Variants in SLC39A11 observed in about 807,000 individuals in gnomAD.
The protein encoded by SLC39A11 is solute carrier family 39 member 11.
In SLC39A11, 33 loss-of-function variants were observed where a neutral mutation model predicts 36.1. The observed-to-expected ratio is 0.91, with a 90% CI of 0.69 to 1.22. The LOEUF is 1.22. SLC39A11 is among the 50% of genes most tolerant of loss of function. The probability of loss-of-function intolerance (pLI) is 0.00; values close to 1 mark genes in which losing one functional copy is unlikely to be tolerated. For synonymous variants in SLC39A11, 166 were observed against 170.3 expected, an observed-to-expected ratio of 0.97 and a Z score of 0.20; for missense variants, 432 against 430.3, an observed-to-expected ratio of 1.00 and a Z score of -0.03.
At chr17:73,006,866 T>G (rs2090212197) in intron 4 of SLC39A11, among the ~76,000 whole-genome samples, 1 of 152,132 alleles carries the variant, frequency 6.6e-6, no homozygotes, top group African/African-American at 2.4e-5. Context: ...TAAGGGGGCC[T>G]CAGCATCTCC....
intron 5 of SLC39A11, among the ~76,000 whole-genome samples, chr17:72,872,148 TG>T (rs560191569): frequency 6.6e-6 from 1 of 152,186 alleles, no homozygotes; most frequent in African/African-American, 2.4e-5. Context: ...TCCCAGTGCC[TG>T]GGGAGGGCAG....
chr17:72,863,346 G>A lies in SLC39A11; in HGVS notation c.431-13542C>T, dbSNP rs533960358. Among the ~76,000 whole-genome samples the A allele has an allele frequency of 3.9e-5, 6 of 152,076 alleles. No individual in the cohort carries two copies. In the South Asian group the frequency reaches 1.2e-3, roughly 32 times the overall value. On this transcript the variant is annotated intron_variant, in intron 5 of 9. Coordinates refer to ENST00000255559, the MANE Select transcript of SLC39A11 (RefSeq NM_139177.4). The stretch of plus-strand genomic sequence containing the variant: ...ATTTACCAAGCCAGGAGCAACACAA[G>A]AGCAAGTGTCAGCATATGCAACTCA...
At chr17:72,838,589 T>C (rs1332096262) in intron 6 of SLC39A11, among the ~76,000 whole-genome samples, 2 of 152,166 alleles carry the variant, frequency 1.3e-5, no homozygotes, top group South Asian at 2.1e-4. Context: ...CACATTCTTT[T>C]AAAAAAGTTA....
At chr17:72,825,463 C>T (rs146286033) in intron 6 of SLC39A11, among the ~76,000 whole-genome samples, 28 of 152,314 alleles carry the variant, frequency 1.8e-4, no homozygotes, top group African/African-American at 6.3e-4. Context: ...TAGGGCAGTG[C>T]AGAGGAGAGT....
chr17:72,955,299 T>TC (rs1491466720), intron 4 of SLC39A11, among the ~76,000 whole-genome samples: 1 of 8,990 alleles, frequency 1.1e-4, no homozygotes, highest in African/African-American at 2.4e-4. Context: ...TTCAGTTCTC[T>TC]TTTTTTTTTT....
At chr17:72,785,704 T>G (rs2076490024) in intron 6 of SLC39A11, among the ~76,000 whole-genome samples, 1 of 152,184 alleles carries the variant, frequency 6.6e-6, no homozygotes, top group Non-Finnish European at 1.5e-5. Context: ...GGAAAAGAGC[T>G]AAGGAGAAAC....
chr17:72,965,711 G>A (rs1366027268), intron 4 of SLC39A11, among the ~76,000 whole-genome samples: 1 of 152,184 alleles, frequency 6.6e-6, no homozygotes, highest in Non-Finnish European at 1.5e-5. Flanking sequence ...TCTCCAAAAG[G>A]AAGGAGGTGA....
chr17:72,691,337 A>T, intron 7 of SLC39A11, among the ~76,000 whole-genome samples: 1 of 152,122 alleles, frequency 6.6e-6, no homozygotes, highest in East Asian at 1.9e-4. Flanking sequence ...TTTCCGTGTC[A>T]AGTGTAGACC....
intron 7 of SLC39A11, among the ~76,000 whole-genome samples, chr17:72,658,816 G>A (rs1400573008): frequency 6.6e-6 from 1 of 152,072 alleles, no homozygotes; most frequent in Non-Finnish European, 1.5e-5. Flanking sequence ...CAGGGCTCTT[G>A]TGTGGATGGC....
chr17:72,951,414 G>T (rs142646973), intron 4 of SLC39A11, among the ~76,000 whole-genome samples: 64 of 152,132 alleles, frequency 4.2e-4, no homozygotes, highest in Middle Eastern at 3.4e-3. Context: ...GAAGAATTTC[G>T]CTAGTTTCTC....
intron 6 of SLC39A11, among the ~76,000 whole-genome samples, chr17:72,847,307 A>G (rs2016150): frequency 0.87 from 132,300 of 152,020 alleles, 57,863 homozygotes; most frequent in East Asian, 0.96. Flanking sequence ...GGAGGCCGAG[A>G]CAGGAGAATT....
At chr17:72,903,905 A>G (rs1227320167) in intron 5 of SLC39A11, among the ~76,000 whole-genome samples, 1 of 152,174 alleles carries the variant, frequency 6.6e-6, no homozygotes, top group Non-Finnish European at 1.5e-5. Flanking sequence ...GCATAACAGG[A>G]GCAAGTGAGC....
chr17:72,905,417 A>AT (rs1421645043), intron 5 of SLC39A11, among the ~76,000 whole-genome samples: 1 of 151,732 alleles, frequency 6.6e-6, no homozygotes, highest in East Asian at 2.0e-4. Flanking sequence ...CCAACATGGT[A>AT]AAACCCCATC....
chr17:72,799,496 G>T (rs1024163063), intron 6 of SLC39A11, among the ~76,000 whole-genome samples: 3 of 152,152 alleles, frequency 2.0e-5, no homozygotes, highest in African/African-American at 7.2e-5. Context: ...AGACGTGCAA[G>T]TAGGGAAGAT....
rs548668245 is a variant in SLC39A11, at chr17:73,009,043, CAGAG to C, written c.306+22509_306+22512del. Among the ~76,000 whole-genome samples the C allele has an allele frequency of 2.3e-3, 260 of 114,810 alleles. 2 individuals carry two copies. The highest frequency in any genetic ancestry group is 9.3e-3 in the African/African-American group (253 of 27,346). The allele number at this position is 114,810 out of a possible 152,430, so 75.3% of individuals were successfully genotyped here. A position where few individuals can be genotyped will look rare whatever the true frequency, so the allele number is the denominator to read the frequency against. ...CAATGCTGCACTCCAGCCTGGGTGA[CAGAG>C]AGACCTGCCTCAAAAAAAAAAAAAA... On this transcript the variant is annotated intron_variant, in intron 4 of 9. Transcript: ENST00000255559.
chr17:72,866,930 C>T (rs917252389), intron 5 of SLC39A11, among the ~76,000 whole-genome samples: 2 of 152,062 alleles, frequency 1.3e-5, no homozygotes, highest in African/African-American at 4.8e-5. Flanking sequence ...TAAGAGAAAT[C>T]AAAGGCAATC....
At chr17:73,072,568 T>A (rs1387966751) in intron 3 of SLC39A11, 2 of 151,916 alleles carry the variant, frequency 1.3e-5, no homozygotes, top group Non-Finnish European at 2.9e-5. Flanking sequence ...AAAGAAAAAA[T>A]ACAAAAATAA....
At chr17:72,896,527 A>G (rs2082039545) in intron 5 of SLC39A11, among the ~76,000 whole-genome samples, 1 of 152,132 alleles carries the variant, frequency 6.6e-6, no homozygotes, top group African/African-American at 2.4e-5. Flanking sequence ...TTCACTCAGT[A>G]AACATTTGTT....
intron 4 of SLC39A11, among the ~76,000 whole-genome samples, chr17:72,953,911 G>A (rs185677655): frequency 1.4e-3 from 208 of 152,302 alleles, no homozygotes; most frequent in Non-Finnish European, 2.4e-3. Flanking sequence ...CGCCAAACCC[G>A]CACACACCTT....
Sources: gnomAD v4.1 joint callset for allele counts (sites outside exome capture counted in the v4.1 genomes callset) on GRCh38, gnomAD v4.1.1 for gene constraint, MANE v1.5 for transcripts, NCBI Gene and HGNC (gene_info 2026-07-23, HGNC 2026-07-21) for gene names.